KCNIP4: variants seen among roughly 807,000 people sequenced by gnomAD.
KCNIP4 encodes potassium voltage-gated channel interacting protein 4, also known as Kv channel-interacting protein 4.
In KCNIP4, 12 loss-of-function variants were observed where a neutral mutation model predicts 34.0. That is an observed-to-expected ratio of 0.35 (90% CI 0.23 to 0.57). KCNIP4 has a LOEUF of 0.57. Ranked by LOEUF, KCNIP4 falls within the 20% of genes least tolerant of loss-of-function variation. KCNIP4 has a pLI of 0.83. For synonymous variants in KCNIP4, 124 were observed against 102.2 expected (o/e 1.21, Z -1.29); for missense variants, 238 against 311.7 (o/e 0.76, Z 1.78).
intron 1 of KCNIP4, among the ~76,000 whole-genome samples, chr4:21,126,044 T>C (rs1392940307): frequency 6.6e-6 from 1 of 152,098 alleles, no homozygotes; most frequent in Non-Finnish European, 1.5e-5. Context: ...CTTGAGTTCA[T>C]GATTGAGACA....
intron 1 of KCNIP4, among the ~76,000 whole-genome samples, chr4:21,408,811 G>C (rs1724227747): frequency 6.6e-6 from 1 of 152,164 alleles, no homozygotes; most frequent in African/African-American, 2.4e-5. Flanking sequence ...AGTGGAGTCT[G>C]ATCAGATATA....
intron 1 of KCNIP4, among the ~76,000 whole-genome samples, chr4:21,012,985 G>C (rs1739193123): frequency 6.6e-6 from 1 of 152,144 alleles, no homozygotes; most frequent in South Asian, 2.1e-4. Context: ...TTTGGGGGTG[G>C]AATATTATGG....
intron 1 of KCNIP4, among the ~76,000 whole-genome samples, chr4:21,897,303 A>G (rs1727450603): frequency 6.6e-6 from 1 of 152,216 alleles, no homozygotes; most frequent in Non-Finnish European, 1.5e-5. Flanking sequence ...CTAATAAGAC[A>G]GTAAAAGAAC....
rs5856594 is a variant in KCNIP4 at position 20,999,414 on chromosome 4, G to GTTTT, written c.62-116709_62-116706dup. 1.7e-4 allele frequency among the ~76,000 whole-genome samples: 16 copies of GTTTT among 95,348 alleles called. 3 individuals are homozygous for GTTTT. Among genetic ancestry groups the GTTTT allele is most frequent in the African/African-American group, 7.5e-4 (16 of 21,416 alleles). The allele number at this position is 95,348 out of a possible 152,430, so 62.6% of individuals were successfully genotyped here. A position where few individuals can be genotyped will look rare whatever the true frequency, so the allele number is the denominator to read the frequency against. On this transcript the variant is annotated intron_variant, in intron 1 of 8. Transcript: ENST00000382152. ...AAAAGAGGGTTTTTGTTGTGGTGGT[G>GTTTT]TTTTTTTTTTTTGTTTGTTTTTTGT...
chr4:21,753,945 A>G (rs982153071), intron 1 of KCNIP4, among the ~76,000 whole-genome samples: 7 of 152,098 alleles, frequency 4.6e-5, no homozygotes, highest in African/African-American at 1.7e-4. Context: ...CCACCAGGAA[A>G]TAGACAGACT....
chr4:21,286,008 C>T (rs1763100510), intron 1 of KCNIP4, among the ~76,000 whole-genome samples: 2 of 152,200 alleles, frequency 1.3e-5, no homozygotes, highest in South Asian at 2.1e-4. Flanking sequence ...GGAAATTGCT[C>T]GCCAGAGCAC....
chr4:21,478,191 T>A (rs1731146186), intron 1 of KCNIP4, among the ~76,000 whole-genome samples: 1 of 152,184 alleles, frequency 6.6e-6, no homozygotes, highest in Admixed American at 6.6e-5. Flanking sequence ...GTTGAACCAT[T>A]TCAAATTAAC....
At chr4:20,765,649 A>G (rs1323973845) in intron 3 of KCNIP4, among the ~76,000 whole-genome samples, 1 of 152,188 alleles carries the variant, frequency 6.6e-6, no homozygotes, top group Admixed American at 6.5e-5. Context: ...TCCATCCAGT[A>G]TTTAGGAGCT....
chr4:21,779,563 A>T (rs566200412), intron 1 of KCNIP4, among the ~76,000 whole-genome samples: 47 of 152,282 alleles, frequency 3.1e-4, no homozygotes, highest in Non-Finnish European at 4.9e-4. Flanking sequence ...TTTATTTGTC[A>T]ATTATACCCT....
intron 1 of KCNIP4, among the ~76,000 whole-genome samples, chr4:20,926,247 A>G (rs1197362057): frequency 6.6e-6 from 1 of 152,164 alleles, no homozygotes; most frequent in Non-Finnish European, 1.5e-5. Context: ...GCCTAAGGGC[A>G]TTTGATTGAA....
intron 1 of KCNIP4, among the ~76,000 whole-genome samples, chr4:21,190,364 G>A (rs1364840): frequency 0.77 from 116,632 of 151,370 alleles, 44,944 homozygotes; most frequent in Admixed American, 0.83. Flanking sequence ...GTATTGGTTC[G>A]TTGGTATTTG....
At position 20,805,186 on chromosome 4, in the gene KCNIP4, C is replaced by CT. The variant is rs10552321; in HGVS notation, c.288+45356dup. Among the ~76,000 whole-genome samples, 586 of 92,058 alleles carry CT rather than the reference C, an allele frequency of 6.4e-3. 15 individuals are homozygous for CT. The highest frequency in any genetic ancestry group is 0.016 in the African/African-American group (357 of 21,930). 60.4% of individuals were successfully genotyped at this position (92,058 alleles called of 152,430 possible). On this transcript the variant is annotated intron_variant, in intron 3 of 8. Transcript: ENST00000382152. ...AAGCAGAAAATATCATAGATGCTTC[C>CT]TTTTTTTTTTTTTTTTTTTTTTTTT...
chr4:20,937,222 C>CTTTTTTTTTTTTTTTTTTTT lies in KCNIP4; in HGVS notation c.62-54533_62-54514dup, dbSNP rs397992488. On this transcript the variant is annotated intron_variant, in intron 1 of 8. Coordinates refer to ENST00000382152, the MANE Select transcript of KCNIP4 (RefSeq NM_025221.6). ...TGAGCAAAAGGTGCCCCCAAGGAGT[C>CTTTTTTTTTTTTTTTTTTTT]TTTTTTTTTTTTTTTTTTTTTTTTT... Among the ~76,000 whole-genome samples, 11 of 45,530 alleles carry CTTTTTTTTTTTTTTTTTTTT rather than the reference C, an allele frequency of 2.4e-4. 2 individuals are homozygous for CTTTTTTTTTTTTTTTTTTTT. Among genetic ancestry groups the CTTTTTTTTTTTTTTTTTTTT allele is most frequent in the Non-Finnish European group, 4.3e-4 (10 of 23,516 alleles). 29.9% of individuals were successfully genotyped at this position (45,530 alleles called of 152,430 possible).
intron 1 of KCNIP4, among the ~76,000 whole-genome samples, chr4:21,830,214 A>T (rs1279418366): frequency 1.3e-5 from 2 of 152,172 alleles, no homozygotes; most frequent in Non-Finnish European, 2.9e-5. Context: ...AATAAAATAG[A>T]CTTTAAGTCG....
chr4:21,631,217 TA>T (rs1417363840), intron 1 of KCNIP4, among the ~76,000 whole-genome samples: 1 of 152,206 alleles, frequency 6.6e-6, no homozygotes, highest in Non-Finnish European at 1.5e-5. Flanking sequence ...AAACCTACTA[TA>T]AAACATGCTT....
At chr4:21,255,932 G>T (rs1214618992) in intron 1 of KCNIP4, among the ~76,000 whole-genome samples, 1 of 152,016 alleles carries the variant, frequency 6.6e-6, no homozygotes, top group African/African-American at 2.4e-5. Context: ...AGTTATCCAG[G>T]CACTGAAGAT....
chr4:21,936,913 C>T (rs1729891704), intron 1 of KCNIP4, among the ~76,000 whole-genome samples: 4 of 152,100 alleles, frequency 2.6e-5, no homozygotes, highest in Non-Finnish European at 5.9e-5. Context: ...TAACACGTTT[C>T]CCTGGTTTCA....
At chr4:21,856,196 GCTGGCTGGTTC>G (rs1724742588) in intron 1 of KCNIP4, among the ~76,000 whole-genome samples, 1 of 152,164 alleles carries the variant, frequency 6.6e-6, no homozygotes, top group Non-Finnish European at 1.5e-5. Flanking sequence ...TCATTTACAG[GCTGGCTGGTTC>G]CTGGAGACCG....
intron 1 of KCNIP4, among the ~76,000 whole-genome samples, chr4:21,038,365 T>A (rs1342151251): frequency 3.9e-5 from 6 of 152,208 alleles, no homozygotes; most frequent in African/African-American, 1.4e-4. Context: ...TTGCTTTTTT[T>A]ATTATTATTA....
Sources: gnomAD v4.1 joint callset for allele counts (sites outside exome capture counted in the v4.1 genomes callset) on GRCh38, gnomAD v4.1.1 for gene constraint, MANE v1.5 for transcripts, NCBI Gene and HGNC (gene_info 2026-07-23, HGNC 2026-07-21) for gene names.